DACH1: variants seen among roughly 807,000 people sequenced by gnomAD.
DACH1 encodes dachshund family transcription factor 1.
Under a neutral mutation model 54.2 loss-of-function variants are expected in DACH1, and 12 were observed. The observed-to-expected ratio is 0.22, with a 90% CI of 0.14 to 0.36. The LOEUF (loss-of-function observed/expected upper bound fraction) is 0.36. Among genes scored for constraint, DACH1 ranks in the 10% least tolerant of loss-of-function variants. The pLI is 1.00. For synonymous variants in DACH1, 386 were observed against 366.2 expected (o/e 1.05, Z -0.62); for missense variants, 805 against 929.8 (o/e 0.87, Z 1.75).
intron 1 of DACH1, among the ~76,000 whole-genome samples, chr13:71,797,737 C>T (rs981661806): frequency 6.6e-6 from 1 of 152,048 alleles, no homozygotes; most frequent in Non-Finnish European, 1.5e-5. Flanking sequence ...TCCCTAAAGG[C>T]TCTGCAAGGA....
intron 3 of DACH1, among the ~76,000 whole-genome samples, chr13:71,628,865 A>C (rs1016972594): frequency 1.3e-5 from 2 of 152,100 alleles, no homozygotes; most frequent in Non-Finnish European, 2.9e-5. Context: ...AAATTCAAAC[A>C]GAGATACCAT....
intron 2 of DACH1, among the ~76,000 whole-genome samples, chr13:71,633,821 C>T (rs1024351970): frequency 6.6e-6 from 1 of 152,004 alleles, no homozygotes; most frequent in African/African-American, 2.4e-5. Flanking sequence ...TTCTCCATTC[C>T]CACTGCCCCT....
intron 1 of DACH1, among the ~76,000 whole-genome samples, chr13:71,767,828 T>A (rs572114340): frequency 6.6e-6 from 1 of 152,142 alleles, no homozygotes; most frequent in Admixed American, 6.6e-5. Context: ...GAAATAATAT[T>A]TTCCTAGCCC....
At chr13:71,522,185 T>C (rs564152445) in intron 6 of DACH1, among the ~76,000 whole-genome samples, 2 of 152,216 alleles carry the variant, frequency 1.3e-5, no homozygotes, top group African/African-American at 4.8e-5. Context: ...TTTGCTAATA[T>C]AAACTATTAT....
chr13:71,748,812 CTA>C (rs1208501009), intron 1 of DACH1, among the ~76,000 whole-genome samples: 1 of 151,984 alleles, frequency 6.6e-6, no homozygotes, highest in Admixed American at 6.5e-5. Flanking sequence ...TAATTTTTCT[CTA>C]TGTTACCTGA....
chr13:71,740,741 T>C (rs1884345937), intron 1 of DACH1, among the ~76,000 whole-genome samples: 1 of 152,176 alleles, frequency 6.6e-6, no homozygotes, highest in Non-Finnish European at 1.5e-5. Flanking sequence ...ACATAATGTA[T>C]TATTTTAAGT....
intron 4 of DACH1, among the ~76,000 whole-genome samples, chr13:71,560,596 A>G (rs888167672): frequency 1.3e-5 from 2 of 152,162 alleles, no homozygotes; most frequent in Non-Finnish European, 2.9e-5. Context: ...TATGAAATAT[A>G]TATCAATCAT....
intron 1 of DACH1, among the ~76,000 whole-genome samples, chr13:71,851,232 T>G (rs1361129340): frequency 6.6e-6 from 1 of 152,212 alleles, no homozygotes; most frequent in Non-Finnish European, 1.5e-5. Flanking sequence ...GCAAGTAGCT[T>G]CTCCTGATTT....
chr13:71,531,629 A>G (rs773125730), intron 6 of DACH1, among the ~76,000 whole-genome samples: 1 of 152,076 alleles, frequency 6.6e-6, no homozygotes, highest in Non-Finnish European at 1.5e-5. Flanking sequence ...ATATTAAAAC[A>G]TGCAAGCAAA....
intron 10 of DACH1, among the ~76,000 whole-genome samples, chr13:71,467,682 C>T (rs995650478): frequency 1.3e-5 from 2 of 151,764 alleles, no homozygotes; most frequent in African/African-American, 4.8e-5. Flanking sequence ...AACAATAGTC[C>T]GTTTATTGCT....
intron 1 of DACH1, among the ~76,000 whole-genome samples, chr13:71,736,479 G>A (rs1884124060): frequency 6.6e-6 from 1 of 151,974 alleles, no homozygotes; most frequent in African/African-American, 2.4e-5. Context: ...AAGGAATACA[G>A]ATTTTAAAAT....
chr13:71,604,853 A>C (rs192772383), intron 3 of DACH1, among the ~76,000 whole-genome samples: 1 of 151,916 alleles, frequency 6.6e-6, no homozygotes, highest in Non-Finnish European at 1.5e-5. Context: ...TCTCTCTTGC[A>C]TATCAGTAAT....
chr13:71,710,407 C>T (rs971820127), intron 1 of DACH1, among the ~76,000 whole-genome samples: 1 of 150,224 alleles, frequency 6.7e-6, no homozygotes, highest in Non-Finnish European at 1.5e-5. Context: ...TTAATGAGAA[C>T]TAGAATTTTA....
At chr13:71,753,869 A>T (rs1885027211) in intron 1 of DACH1, among the ~76,000 whole-genome samples, 1 of 152,210 alleles carries the variant, frequency 6.6e-6, no homozygotes, top group African/African-American at 2.4e-5. Flanking sequence ...CATGTGTACA[A>T]ATCATACAAA....
chr13:71,778,100 A>C (rs1384025674), intron 1 of DACH1, among the ~76,000 whole-genome samples: 8 of 114,828 alleles, frequency 7.0e-5, no homozygotes, highest in Non-Finnish European at 1.5e-4. Context: ...TACAATAAAT[A>C]AATAAATAAA....
intron 1 of DACH1, among the ~76,000 whole-genome samples, chr13:71,852,627 C>G (rs539343621): frequency 6.6e-6 from 1 of 152,272 alleles, no homozygotes; most frequent in South Asian, 2.1e-4. Context: ...TAGCGATGCT[C>G]TCTTTGAATG....
chr13:71,567,703 T>A (rs982893256), intron 4 of DACH1, among the ~76,000 whole-genome samples: 2 of 152,024 alleles, frequency 1.3e-5, no homozygotes, highest in Non-Finnish European at 2.9e-5. Flanking sequence ...ACAAATATAT[T>A]AAATAATTTG....
chr13:71,841,526 G>T (rs1007593162), intron 1 of DACH1, among the ~76,000 whole-genome samples: 4 of 152,110 alleles, frequency 2.6e-5, no homozygotes, highest in African/African-American at 9.7e-5. Flanking sequence ...AAGAATGCTT[G>T]CATAGAAACA....
intron 4 of DACH1, among the ~76,000 whole-genome samples, chr13:71,572,526 A>T (rs1258536802): frequency 2.0e-5 from 3 of 152,116 alleles, no homozygotes; most frequent in African/African-American, 7.2e-5. Context: ...CTGATTCTCC[A>T]CACATAAATG....
Sources: allele counts gnomAD v4.1 joint callset (sites outside exome capture counted in the v4.1 genomes callset), GRCh38; gene constraint gnomAD v4.1.1; transcripts MANE v1.5; gene names NCBI Gene and HGNC (gene_info 2026-07-23, HGNC 2026-07-21).